PKP4: variants seen among roughly 807,000 people sequenced by gnomAD.
PKP4 encodes the protein plakophilin-4.
Under a neutral mutation model 145.1 loss-of-function variants are expected in PKP4, and 90 were observed. That is an observed-to-expected ratio of 0.62 (90% CI 0.52 to 0.74). The LOEUF (loss-of-function observed/expected upper bound fraction) is 0.74, where lower values mean the gene tolerates loss of function less well. PKP4 is among the 30% of genes least tolerant of loss of function. PKP4 has a pLI of 0.00. For synonymous variants in PKP4, 563 were observed against 577.2 expected (o/e 0.98, Z 0.35); for missense variants, 1,340 against 1,482.7 (o/e 0.90, Z 1.58).
In PKP4 at chr2:158,608,808, C is replaced by CTTTTTTTTTTTTT. The variant is rs66933766; in HGVS notation, c.280+5715_280+5727dup. ...AGTAAAATCTTATTTTCTTTTCTTT[C>CTTTTTTTTTTTTT]TTTTTTTTTTTTTTTTTTTTTTTGA... On this transcript the variant is annotated intron_variant, in intron 4 of 21. Transcript: ENST00000389759. 7.8e-4 allele frequency among the ~76,000 whole-genome samples: 67 copies of CTTTTTTTTTTTTT among 86,174 alleles called. 1 individual carries two copies. Among genetic ancestry groups the CTTTTTTTTTTTTT allele is most frequent in the African/African-American group, 2.6e-3 (52 of 19,690 alleles). The allele number at this position is 86,174 out of a possible 152,430, so 56.5% of individuals were successfully genotyped here.
At chr2:158,606,042 T>G (rs565678433) in intron 4 of PKP4, among the ~76,000 whole-genome samples, 2 of 152,342 alleles carry the variant, frequency 1.3e-5, no homozygotes, top group Non-Finnish European at 2.9e-5. Context: ...CTTACTACTT[T>G]TGTCTGTTAT....
chr2:158,541,836 T>A (rs1285269786), intron 2 of PKP4, among the ~76,000 whole-genome samples: 1 of 152,140 alleles, frequency 6.6e-6, no homozygotes, highest in African/African-American at 2.4e-5. Context: ...AATAGGCATA[T>A]ATCTCATTTA....
intron 16 of PKP4, 194 bp downstream of exon 16, chr2:158,666,757 T>G: frequency 2.2e-6 from 1 of 457,748 alleles, no homozygotes; most frequent in Non-Finnish European, 3.8e-6. Flanking sequence ...CATTAATTAG[T>G]CATTGATTAG....
chr2:158,568,474 G>A (rs1409741677), intron 2 of PKP4, among the ~76,000 whole-genome samples: 1 of 152,186 alleles, frequency 6.6e-6, no homozygotes, highest in Non-Finnish European at 1.5e-5. Flanking sequence ...ACAGTAGGTG[G>A]GGAAGTATGG....
intron 3 of PKP4, among the ~76,000 whole-genome samples, chr2:158,583,280 A>C (rs1206243885): frequency 6.6e-6 from 1 of 152,168 alleles, no homozygotes; most frequent in East Asian, 1.9e-4. Flanking sequence ...CCAATAGCCC[A>C]CATTGCAGGG....
chr2:158,508,366 C>CAAAA (rs747754927), intron 1 of PKP4, among the ~76,000 whole-genome samples: 249 of 115,690 alleles, frequency 2.2e-3, no homozygotes, highest in Non-Finnish European at 3.4e-3. Flanking sequence ...AACTCCGTCT[C>CAAAA]AAAAAAAAAA....
At chr2:158,458,420 G>C (rs1442491282) in intron 1 of PKP4, 5 of 152,534 alleles carry the variant, frequency 3.3e-5, no homozygotes, top group Non-Finnish European at 5.9e-5. Context: ...TTGCTGCATT[G>C]GTCTTCAGGA....
chr2:158,655,450 G>A (rs1178050083), intron 11 of PKP4, among the ~76,000 whole-genome samples: 2 of 152,126 alleles, frequency 1.3e-5, no homozygotes, highest in Non-Finnish European at 2.9e-5. Context: ...AGAATTTCTA[G>A]GCATCAACTC....
chr2:158,518,242 G>A (rs1438899511), intron 1 of PKP4, among the ~76,000 whole-genome samples: 1 of 152,220 alleles, frequency 6.6e-6, no homozygotes, highest in Non-Finnish European at 1.5e-5. Flanking sequence ...GCTGGGCTGT[G>A]TGTCCATAGC....
chr2:158,500,608 C>T (rs1026111505), intron 1 of PKP4, among the ~76,000 whole-genome samples: 3 of 152,204 alleles, frequency 2.0e-5, no homozygotes, highest in African/African-American at 7.2e-5. Context: ...TCTTCCAATT[C>T]AGAGCCCGTG....
In PKP4 at chr2:158,486,859, G is replaced by GT. The variant is rs556412855; in HGVS notation, c.-6+29642dup. Reference sequence around the variant, plus strand: ...GAGGCTGAATTGTAGACAATAAAACGTGAGTCCAATGACAGTCTTTGTAGG... The same window carrying GT: ...GAGGCTGAATTGTAGACAATAAAACGTTGAGTCCAATGACAGTCTTTGTAGG... On this transcript the variant is annotated intron_variant, in intron 1 of 21. Transcript: ENST00000389759. Among the ~76,000 whole-genome samples the GT allele has an allele frequency of 1.1e-4, 16 of 152,304 alleles. 1 individual carries two copies. The South Asian group carries it at 3.3e-3, about 32-fold the overall frequency.
intron 1 of PKP4, among the ~76,000 whole-genome samples, chr2:158,459,228 A>G (rs16842952): frequency 0.039 from 5,884 of 152,308 alleles, 262 homozygotes; most frequent in African/African-American, 0.11. Flanking sequence ...GAGAACAACT[A>G]ATGTCTGAAA....
rs780969925 is a variant in PKP4, at chr2:158,457,155, G to T, written c.-69G>T. ...TTTAATTTTTTCGGGTGCCGCAGCG[G>T]CGACCCCTCGGCGCCGATGTCCCTG... On this transcript the variant is annotated 5_prime_UTR_variant, in exon 1 of 22. Transcript: ENST00000389759. The T allele has an allele frequency of 7.9e-5, 12 of 151,420 alleles. No homozygotes were observed. The highest frequency in any genetic ancestry group is 1.2e-4 in the Non-Finnish European group (8 of 67,774). 9.4% of individuals were successfully genotyped at this position (151,420 alleles called of 1,614,324 possible).
chr2:158,567,526 AATCTTGGTTTTGAGTGACCAT>A (rs1254899567), intron 2 of PKP4, among the ~76,000 whole-genome samples: 2 of 152,154 alleles, frequency 1.3e-5, no homozygotes, highest in African/African-American at 2.4e-5. Context: ...GATGATTTCA[AATCTTGGTTTTGAGTGACCAT>A]AGGCAAGTCA....
chr2:158,520,685 A>G (rs1041946411), intron 1 of PKP4, among the ~76,000 whole-genome samples: 151 of 152,352 alleles, frequency 9.9e-4, no homozygotes, highest in African/African-American at 3.4e-3. Flanking sequence ...GAAGTTCTTC[A>G]TGTGCCTCTC....
chr2:158,612,026 A>AT (rs1411422996), intron 4 of PKP4, among the ~76,000 whole-genome samples: 1 of 151,956 alleles, frequency 6.6e-6, no homozygotes, highest in East Asian at 1.9e-4. Context: ...TTAAAAAAAA[A>AT]AAAACAGCCT....
chr2:158,655,704 G>C (rs913195332), intron 11 of PKP4, among the ~76,000 whole-genome samples: 3 of 152,258 alleles, frequency 2.0e-5, no homozygotes, highest in Non-Finnish European at 4.4e-5. Flanking sequence ...AGCTGTGACA[G>C]AAAATTTGTG....
At chr2:158,463,711 C>T (rs1257281015) in intron 1 of PKP4, among the ~76,000 whole-genome samples, 1 of 152,196 alleles carries the variant, frequency 6.6e-6, no homozygotes, top group Admixed American at 6.5e-5. Flanking sequence ...AACATCAAGC[C>T]ATTACATTTT....
At chr2:158,545,319 G>A (rs1347669167) in intron 2 of PKP4, among the ~76,000 whole-genome samples, 3 of 152,056 alleles carry the variant, frequency 2.0e-5, no homozygotes, top group Admixed American at 6.6e-5. Context: ...ACCAGCAGCA[G>A]TGTTCCCTTT....
Sources: gnomAD v4.1 joint callset for allele counts (sites outside exome capture counted in the v4.1 genomes callset) on GRCh38, gnomAD v4.1.1 for gene constraint, MANE v1.5 for transcripts, NCBI Gene and HGNC (gene_info 2026-07-23, HGNC 2026-07-21) for gene names.